The following NDST3 variants were observed in gnomAD, a reference collection of about 807,000 sequenced individuals.
NDST3 encodes bifunctional heparan sulfate N-deacetylase/N-sulfotransferase 3.
Under a neutral mutation model 96.1 loss-of-function variants are expected in NDST3, and 58 were observed. That is an observed-to-expected ratio of 0.60 (90% CI 0.49 to 0.75). NDST3 has a LOEUF of 0.75. Among genes scored for constraint, NDST3 ranks in the 30% least tolerant of loss-of-function variants. The pLI is 0.00. For missense variants in NDST3, 788 were observed against 1,034.2 expected (o/e 0.76, Z 3.27); for synonymous variants, 333 against 359.7 (o/e 0.93, Z 0.84).
intron 6 of NDST3, among the ~76,000 whole-genome samples, chr4:118,148,618 C>T (rs931465109): frequency 6.6e-6 from 1 of 151,652 alleles, no homozygotes; most frequent in Non-Finnish European, 1.5e-5. Flanking sequence ...TTGATTACAA[C>T]TAAAATAAAT....
intron 4 of NDST3, among the ~76,000 whole-genome samples, chr4:118,137,064 T>C (rs886447998): frequency 2.6e-5 from 4 of 152,198 alleles, no homozygotes; most frequent in African/African-American, 9.7e-5. Flanking sequence ...TCTAACTTTT[T>C]CCATATCAGT....
chr4:118,149,073 A>G (rs1368025461), intron 6 of NDST3, among the ~76,000 whole-genome samples: 12 of 152,014 alleles, frequency 7.9e-5, no homozygotes, highest in African/African-American at 2.9e-4. Context: ...GTAGATATGC[A>G]GCATTATTTC....
intron 1 of NDST3, among the ~76,000 whole-genome samples, chr4:118,035,260 T>C (rs1167792767): frequency 6.6e-6 from 1 of 152,136 alleles, no homozygotes; most frequent in Non-Finnish European, 1.5e-5. Flanking sequence ...GAAAATGTAT[T>C]AGTATCTATA....
intron 2 of NDST3, among the ~76,000 whole-genome samples, chr4:118,067,971 A>T (rs1003989517): frequency 1.3e-5 from 2 of 152,030 alleles, no homozygotes; most frequent in Non-Finnish European, 2.9e-5. Context: ...AATTGACACA[A>T]TTTCAGTGCA....
At chr4:118,247,202 G>A (rs11945026) in intron 12 of NDST3, among the ~76,000 whole-genome samples, 8,141 of 40,704 alleles carry the variant, frequency 0.2, 427 homozygotes, top group African/African-American at 0.35. Context: ...ACACCAGGGG[G>A]GTTTAAAAAA....
At chr4:118,242,613 G>T (rs1578864303) in intron 12 of NDST3, among the ~76,000 whole-genome samples, 1 of 152,162 alleles carries the variant, frequency 6.6e-6, no homozygotes, top group Non-Finnish European at 1.5e-5. Context: ...AGAGAGAGAT[G>T]TACTATTATC....
chr4:118,067,047 C>G (rs1726649069), intron 2 of NDST3, among the ~76,000 whole-genome samples: 1 of 148,914 alleles, frequency 6.7e-6, no homozygotes, highest in Non-Finnish European at 1.5e-5. Flanking sequence ...AGAAAGACAA[C>G]TTACTTGATA....
At chr4:118,132,688 T>C (rs557039825) in intron 4 of NDST3, among the ~76,000 whole-genome samples, 2 of 152,300 alleles carry the variant, frequency 1.3e-5, no homozygotes, top group Non-Finnish European at 2.9e-5. Flanking sequence ...ATGTAGTAAG[T>C]GCGTCCCAAG....
chr4:118,251,170 AG>A (rs1741705341), intron 12 of NDST3, among the ~76,000 whole-genome samples: 1 of 131,820 alleles, frequency 7.6e-6, no homozygotes, highest in Non-Finnish European at 1.6e-5. Context: ...TCTGTCACCC[AG>A]GCTGGAGTGC....
intron 6 of NDST3, among the ~76,000 whole-genome samples, chr4:118,178,697 C>T (rs547499702): frequency 6.6e-6 from 1 of 151,902 alleles, no homozygotes; most frequent in Admixed American, 6.6e-5. Context: ...AGGTATATAC[C>T]CAGAAGCAGA....
chr4:118,107,653 A>T (rs1443311152), intron 3 of NDST3, among the ~76,000 whole-genome samples: 2 of 152,188 alleles, frequency 1.3e-5, no homozygotes, highest in Non-Finnish European at 2.9e-5. Context: ...AAATCTGTAC[A>T]ACTCTATGTA....
intron 6 of NDST3, among the ~76,000 whole-genome samples, chr4:118,172,717 A>AG (rs1448950547): frequency 6.6e-6 from 1 of 152,152 alleles, no homozygotes; most frequent in African/African-American, 2.4e-5. Flanking sequence ...GCACTGATTA[A>AG]AAGTGCTAAG....
intron 6 of NDST3, among the ~76,000 whole-genome samples, chr4:118,174,056 T>C (rs937479854): frequency 6.6e-6 from 1 of 152,250 alleles, no homozygotes; most frequent in East Asian, 1.9e-4. Flanking sequence ...TGAAGATTTC[T>C]GTGCAACTGT....
chr4:118,097,958 A>G (rs757039488), intron 2 of NDST3, among the ~76,000 whole-genome samples: 103 of 151,944 alleles, frequency 6.8e-4, no homozygotes, highest in Admixed American at 3.0e-3. Context: ...TGGAGTTTAT[A>G]GTCCAGCTTT....
chr4:118,156,809 G>A (rs1734741648), intron 6 of NDST3, among the ~76,000 whole-genome samples: 1 of 152,188 alleles, frequency 6.6e-6, no homozygotes, highest in African/African-American at 2.4e-5. Context: ...CTGTTAGCAA[G>A]TCTGTGGGAA....
chr4:118,047,904 C>A (rs180765729), intron 1 of NDST3, among the ~76,000 whole-genome samples: 1 of 152,028 alleles, frequency 6.6e-6, no homozygotes, highest in Non-Finnish European at 1.5e-5. Context: ...TATGAGATAA[C>A]CATCCTTAAG....
intron 6 of NDST3, among the ~76,000 whole-genome samples, chr4:118,204,143 T>G: frequency 6.6e-6 from 1 of 152,122 alleles, no homozygotes; most frequent in East Asian, 1.9e-4. Context: ...AGCTTTGAAT[T>G]CTGAGAGAGA....
chr4:118,100,692 A>G (rs1270426691), intron 2 of NDST3, among the ~76,000 whole-genome samples: 1 of 152,128 alleles, frequency 6.6e-6, no homozygotes, highest in Admixed American at 6.6e-5. Flanking sequence ...TGTTGTTTCC[A>G]TGGACAACAG....
intron 6 of NDST3, among the ~76,000 whole-genome samples, chr4:118,159,002 G>T (rs1734904513): frequency 6.6e-6 from 1 of 152,110 alleles, no homozygotes; most frequent in African/African-American, 2.4e-5. Context: ...ACACTCACTT[G>T]CCATAGTCCC....
Sources: gnomAD v4.1 joint callset for allele counts (sites outside exome capture counted in the v4.1 genomes callset) on GRCh38, gnomAD v4.1.1 for gene constraint, MANE v1.5 for transcripts, NCBI Gene and HGNC (gene_info 2026-07-23, HGNC 2026-07-21) for gene names.